The following FMN2 variants were observed in gnomAD, a reference collection of about 807,000 sequenced individuals.
FMN2 encodes the protein formin 2.
FMN2 carries 51 observed loss-of-function variants against 142.3 expected under a neutral mutation model. The observed-to-expected ratio is 0.36, with a 90% CI of 0.29 to 0.45. The LOEUF is 0.45. FMN2 is among the 20% of genes least tolerant of loss of function. The pLI, the probability that FMN2 is intolerant of heterozygous loss-of-function variation, is 1.00. For synonymous variants in FMN2, 882 were observed against 869.8 expected (o/e 1.01, Z -0.25); for missense variants, 1,936 against 2,122.8 (o/e 0.91, Z 1.73).
chr1:240,370,012 C>G (rs1672810845), intron 14 of FMN2, among the ~76,000 whole-genome samples: 1 of 151,944 alleles, frequency 6.6e-6, no homozygotes, highest in African/African-American at 2.4e-5. Context: ...TGGGGTGATT[C>G]TTTTCAATTT....
chr1:240,420,967 A>G (rs996230123), intron 15 of FMN2, among the ~76,000 whole-genome samples: 2 of 152,202 alleles, frequency 1.3e-5, no homozygotes, highest in Admixed American at 1.3e-4. Context: ...TCCAACCTCC[A>G]TGGAGGAGAG....
intron 13 of FMN2, among the ~76,000 whole-genome samples, chr1:240,347,579 G>C (rs148561219): frequency 6.6e-6 from 1 of 152,010 alleles, no homozygotes; most frequent in Non-Finnish European, 1.5e-5. Context: ...TAGAATCGGG[G>C]GTACATGTGC....
chr1:240,093,155 G>A lies in FMN2; in HGVS notation c.1046G>A (p.Gly349Asp). 6.9e-7 allele frequency: 1 copy of A among 1,439,928 alleles called. No individual in the cohort carries two copies. The highest frequency in any genetic ancestry group is 9.1e-7 in the Non-Finnish European group (1 of 1,102,336). The allele number at this position is 1,439,928 out of a possible 1,614,324, so 89.2% of individuals were successfully genotyped here. A position where few individuals can be genotyped will look rare whatever the true frequency, so the allele number is the denominator to read the frequency against. ...GGGGCTGGGGACACGGATGAGGAGG[G>A]TGAGGAGGATGCTTTTGAGGATGCG... ...VRGAGDTDEEGEEDAFEDAPR... is the reference protein window; with the variant it reads ...VRGAGDTDEEDEEDAFEDAPR... Residue 349 changes from glycine (G) to aspartate (D), a missense_variant, in exon 1 of 18, where the codon GGT becomes GAT. By Grantham distance (94) the Gly-to-Asp change is moderately conservative. Around this residue, in one of 8 missense-constraint regions of FMN2, gnomAD observed 751 missense variants for 791.8 expected, o/e 0.95. Coordinates refer to ENST00000319653, the MANE Select transcript of FMN2 (RefSeq NM_020066.5).
chr1:240,472,712 C>T lies in FMN2; in HGVS notation c.5142+259C>T, dbSNP rs187618396. Among the ~76,000 whole-genome samples, 604 of 151,828 alleles carry T rather than the reference C, an allele frequency of 4.0e-3. 4 individuals carry two copies. The highest frequency in any genetic ancestry group is 0.014 in the African/African-American group (572 of 41,402). On this transcript the variant is annotated intron_variant, in intron 17 of 17. Coordinates refer to ENST00000319653, the MANE Select transcript of FMN2 (RefSeq NM_020066.5). Reference sequence around the variant, plus strand: ...CTGTAATTCCAGCACTTTGGGAGGCCGAGGTGGGCGGGTCATGAGGTCAGG... The same window carrying T: ...CTGTAATTCCAGCACTTTGGGAGGCTGAGGTGGGCGGGTCATGAGGTCAGG...
Position 240,123,198 on chromosome 1 carries a change from G to T in FMN2, c.1635G>T (p.Lys545Asn). 6.2e-7 allele frequency: 1 copy of T among 1,614,214 alleles called. No individual in the cohort carries two copies. Among genetic ancestry groups the T allele is most frequent in the Non-Finnish European group, 8.5e-7 (1 of 1,180,044 alleles). The change falls in exon 2 of 18, where the codon AAG (lysine) becomes AAT (asparagine). Residue 545 changes from lysine (K) to asparagine (N), a missense_variant. Around this residue, in one of 8 missense-constraint regions of FMN2, gnomAD observed 751 missense variants for 791.8 expected, o/e 0.95. Coordinates refer to ENST00000319653, the MANE Select transcript of FMN2 (RefSeq NM_020066.5). Reference protein sequence around the residue: ...NVFTGRTLLEKLFSQQENGPP... With the variant: ...NVFTGRTLLENLFSQQENGPP... Reference sequence around the variant, plus strand: ...CTGCAGGGCGAACGCTGTTGGAGAAGCTGTTCAGCCAGCAGGAGAACGGGC... The same window carrying T: ...CTGCAGGGCGAACGCTGTTGGAGAATCTGTTCAGCCAGCAGGAGAACGGGC...
At chr1:240,447,943 G>A (rs1185860124) in intron 16 of FMN2, among the ~76,000 whole-genome samples, 2 of 152,184 alleles carry the variant, frequency 1.3e-5, no homozygotes, top group African/African-American at 2.4e-5. Flanking sequence ...TTGCATCAGA[G>A]TTCTAAGCAT....
chr1:240,276,774 G>A (rs1669227331), intron 7 of FMN2, among the ~76,000 whole-genome samples: 1 of 152,082 alleles, frequency 6.6e-6, no homozygotes, highest in African/African-American at 2.4e-5. Context: ...CTACTATGTT[G>A]CATGTAGAGT....
intron 8 of FMN2, among the ~76,000 whole-genome samples, chr1:240,327,171 C>A (rs976869443): frequency 7.9e-5 from 12 of 152,120 alleles, no homozygotes; most frequent in Non-Finnish European, 2.9e-5. Flanking sequence ...TTTTGAGTAG[C>A]TTGGGATATT....
At chr1:240,338,655 GCCCAC>G (rs1178162487) in intron 13 of FMN2, among the ~76,000 whole-genome samples, 1 of 152,104 alleles carries the variant, frequency 6.6e-6, no homozygotes, top group African/African-American at 2.4e-5. Context: ...TGTATATACT[GCCCAC>G]CTGTTCATCA....
At chr1:240,124,760 C>A (rs148420245) in intron 2 of FMN2, among the ~76,000 whole-genome samples, 4 of 152,068 alleles carry the variant, frequency 2.6e-5, no homozygotes, top group South Asian at 2.1e-4. Context: ...CTCCACCTCC[C>A]GAGTTCAAGC....
intron 16 of FMN2, among the ~76,000 whole-genome samples, chr1:240,463,274 A>G (rs1676507169): frequency 5.3e-5 from 8 of 152,188 alleles, no homozygotes; most frequent in Admixed American, 5.2e-4. Context: ...GACAGATTTT[A>G]ACGTCATTAC....
intron 1 of FMN2, among the ~76,000 whole-genome samples, chr1:240,097,982 G>A (rs1205586868): frequency 6.6e-6 from 1 of 151,804 alleles, no homozygotes; most frequent in Non-Finnish European, 1.5e-5. Context: ...ATATGTATAA[G>A]ATGAAACCAA....
chr1:240,144,941 A>G (rs1663374741), intron 2 of FMN2: 2 of 1,284,988 alleles, frequency 1.6e-6, no homozygotes, highest in South Asian at 1.2e-5. Flanking sequence ...CTGGGAGCCT[A>G]CTAGCCGATA....
intron 2 of FMN2, among the ~76,000 whole-genome samples, chr1:240,129,467 G>A (rs572066243): frequency 1.3e-5 from 2 of 148,754 alleles, no homozygotes; most frequent in South Asian, 4.3e-4. Flanking sequence ...ATTTATATAA[G>A]CTATGTGGAC....
At chr1:240,137,308 A>G (rs2103245545) in intron 2 of FMN2, among the ~76,000 whole-genome samples, 1 of 152,268 alleles carries the variant, frequency 6.6e-6, no homozygotes, top group Middle Eastern at 3.4e-3. Context: ...AGGGCCAGAT[A>G]GAAAATATTT....
chr1:240,336,729 A>G (rs12067266), intron 13 of FMN2, among the ~76,000 whole-genome samples: 80,172 of 151,880 alleles, frequency 0.53, 22,775 homozygotes, highest in African/African-American at 0.74. Context: ...CCTTTGAGGA[A>G]CTTACAGGGA....
intron 2 of FMN2, among the ~76,000 whole-genome samples, chr1:240,124,842 AT>A (rs1662434049): frequency 6.6e-6 from 1 of 151,892 alleles, no homozygotes; most frequent in South Asian, 2.1e-4. Context: ...TAATTTTTGT[AT>A]TTTTAGTAGA....
intron 6 of FMN2, among the ~76,000 whole-genome samples, chr1:240,226,781 G>A (rs151223028): frequency 6.6e-5 from 10 of 151,224 alleles, no homozygotes; most frequent in African/African-American, 1.7e-4. Context: ...TGTAGAATCC[G>A]CAGTTACCAA....
At chr1:240,365,023 A>C (rs1266280690) in intron 14 of FMN2, among the ~76,000 whole-genome samples, 3 of 152,184 alleles carry the variant, frequency 2.0e-5, no homozygotes, top group African/African-American at 7.2e-5. Flanking sequence ...AAAATACAGG[A>C]CCATAATGGA....
Sources: allele counts gnomAD v4.1 joint callset (sites outside exome capture counted in the v4.1 genomes callset), GRCh38; gene constraint gnomAD v4.1.1; regional missense constraint gnomAD v4.1.1; transcripts MANE v1.5; gene names NCBI Gene and HGNC (gene_info 2026-07-23, HGNC 2026-07-21).